Variants in FBLN7 observed in about 807,000 individuals in gnomAD.
The protein encoded by FBLN7 is fibulin 7.
Under a neutral mutation model 44.0 loss-of-function variants are expected in FBLN7, and 31 were observed. The observed-to-expected ratio is 0.70, with a 90% CI of 0.53 to 0.95. The LOEUF (loss-of-function observed/expected upper bound fraction) is 0.95. Ranked by LOEUF, FBLN7 falls within the 40% of genes least tolerant of loss-of-function variation. The pLI, the probability that FBLN7 is intolerant of heterozygous loss-of-function variation, is 0.00. For synonymous variants in FBLN7, 262 were observed against 253.4 expected, an observed-to-expected ratio of 1.03 and a Z score of -0.32; for missense variants, 573 against 618.5, an observed-to-expected ratio of 0.93 and a Z score of 0.78.
At chr2:112,210,489 C>T in the FBLN7 span, among the ~76,000 whole-genome samples, 1 of 151,666 alleles carries the variant, frequency 6.6e-6, no homozygotes, top group South Asian at 2.1e-4. Context: ...AACCCTGTCT[C>T]TACTAAAAAT....
At chr2:112,160,864 ACACT>A (rs1427863027) in intron 2 of FBLN7, among the ~76,000 whole-genome samples, 5 of 147,080 alleles carry the variant, frequency 3.4e-5, no homozygotes, top group African/African-American at 7.5e-5. Context: ...ACACACACAC[ACACT>A]CAGCCCGAGC....
At chr2:112,237,812 C>T in the FBLN7 span, among the ~76,000 whole-genome samples, 1 of 152,104 alleles carries the variant, frequency 6.6e-6, no homozygotes, top group African/African-American at 2.4e-5. Context: ...AGTGATCCAC[C>T]AGCCTCGGCC....
chr2:112,163,121 A>C (rs938457082), intron 2 of FBLN7, among the ~76,000 whole-genome samples: 1 of 152,112 alleles, frequency 6.6e-6, no homozygotes, highest in African/African-American at 2.4e-5. Flanking sequence ...GCATCCTCGG[A>C]GGGTCCGGCA....
intron 4 of FBLN7, chr2:112,176,635 C>G (rs1039334646): frequency 6.6e-6 from 1 of 152,192 alleles, no homozygotes; most frequent in Admixed American, 6.5e-5. Flanking sequence ...TTAAATAGTG[C>G]CCCAAGAGAT....
chr2:112,192,387 A>G (rs1384839645), downstream of FBLN7, among the ~76,000 whole-genome samples: 1 of 152,082 alleles, frequency 6.6e-6, no homozygotes, highest in African/African-American at 2.4e-5. Context: ...CTTTGGAAGG[A>G]CAGAGAGGCC....
chr2:112,148,257 G>A (rs1271083939), intron 1 of FBLN7, among the ~76,000 whole-genome samples: 1 of 152,190 alleles, frequency 6.6e-6, no homozygotes, highest in Non-Finnish European at 1.5e-5. Flanking sequence ...TCACTCTAGA[G>A]CTTGGCATGA....
the FBLN7 span, chr2:112,233,300 T>C: frequency 6.2e-7 from 1 of 1,601,358 alleles, no homozygotes; most frequent in African/African-American, 1.3e-5. Context: ...TACAATATCC[T>C]TGTACATAAA....
intron 3 of FBLN7, among the ~76,000 whole-genome samples, chr2:112,169,529 C>T (rs1021560661): frequency 2.6e-5 from 4 of 152,156 alleles, no homozygotes; most frequent in African/African-American, 7.2e-5. Context: ...ATATAAATAC[C>T]GTTGTCACTT....
chr2:112,225,350 C>T, the FBLN7 span, among the ~76,000 whole-genome samples: 4 of 152,206 alleles, frequency 2.6e-5, no homozygotes, highest in African/African-American at 9.7e-5. Context: ...TGGTAGCACA[C>T]ACCTGCAGTC....
At chr2:112,158,762 A>T (rs769105098) in intron 1 of FBLN7, among the ~76,000 whole-genome samples, 1 of 152,018 alleles carries the variant, frequency 6.6e-6, no homozygotes, top group Non-Finnish European at 1.5e-5. Context: ...TTTTGTAAAG[A>T]TGAGGTCTCA....
At chr2:112,219,982 T>C in the FBLN7 span, among the ~76,000 whole-genome samples, 1 of 152,258 alleles carries the variant, frequency 6.6e-6, no homozygotes, top group East Asian at 1.9e-4. Context: ...CCTGTCTTTT[T>C]ATGTTTTCCA....
At chr2:112,182,076 C>G (rs574854518) in intron 5 of FBLN7, 200 bp downstream of exon 5, 1 of 676,448 alleles carries the variant, frequency 1.5e-6, no homozygotes, top group Admixed American at 3.9e-5. Flanking sequence ...TCAGAGCTCG[C>G]CCCGCCTCAG....
intron 3 of FBLN7, among the ~76,000 whole-genome samples, chr2:112,166,223 G>A (rs116729245): frequency 7.1e-4 from 108 of 152,262 alleles, no homozygotes; most frequent in Middle Eastern, 3.4e-3. Context: ...GCTAACTTTC[G>A]TATGTTTAGT....
the FBLN7 span, among the ~76,000 whole-genome samples, chr2:112,225,422 G>C: frequency 2.0e-5 from 3 of 152,218 alleles, no homozygotes; most frequent in Non-Finnish European, 4.4e-5. Flanking sequence ...AGGCTAAAGT[G>C]AGCTATGATT....
chr2:112,190,305 G>A (rs932594125), downstream of FBLN7: 1 of 152,160 alleles, frequency 6.6e-6, no homozygotes. Context: ...CATTACTTCT[G>A]TAGGGATTGC....
At chr2:112,145,835 C>T (rs1253046729) in intron 1 of FBLN7, among the ~76,000 whole-genome samples, 2 of 152,170 alleles carry the variant, frequency 1.3e-5, no homozygotes, top group Admixed American at 1.3e-4. Flanking sequence ...TGTCAAAAAT[C>T]GTTCATCATA....
chr2:112,230,584 C>T, the FBLN7 span: 1,229 of 157,124 alleles, frequency 7.8e-3, 19 homozygotes, highest in African/African-American at 0.028. Flanking sequence ...TCAATTAATA[C>T]AGAGAGTATG....
intron 1 of FBLN7, among the ~76,000 whole-genome samples, chr2:112,156,911 C>CGGTGGT (rs1054574537): frequency 3.3e-5 from 5 of 152,072 alleles, no homozygotes; most frequent in Admixed American, 2.0e-4. Context: ...ATTCCCACCG[C>CGGTGGT]GGTGGTGGTG....
the FBLN7 span, among the ~76,000 whole-genome samples, chr2:112,206,853 C>T: frequency 2.6e-5 from 4 of 151,860 alleles, no homozygotes; most frequent in Non-Finnish European, 5.9e-5. Context: ...CCACTCCAGC[C>T]TCCCAAGTAG....
Sources: allele counts gnomAD v4.1 joint callset (sites outside exome capture counted in the v4.1 genomes callset), GRCh38; gene constraint gnomAD v4.1.1; transcripts MANE v1.5; gene names NCBI Gene and HGNC (gene_info 2026-07-23, HGNC 2026-07-21).